SLC38A4: variants seen among roughly 807,000 people sequenced by gnomAD.
The protein encoded by SLC38A4 is solute carrier family 38 member 4, also known as sodium-coupled neutral amino acid transporter 4.
SLC38A4 carries 20 observed loss-of-function variants against 63.1 expected under a neutral mutation model. The ratio of observed to expected loss-of-function variants is 0.32; its 90% CI spans 0.22 to 0.46. The LOEUF (loss-of-function observed/expected upper bound fraction) is 0.46, where lower values mean the gene tolerates loss of function less well. SLC38A4 is among the 20% of genes least tolerant of loss of function. The probability of loss-of-function intolerance (pLI) is 1.00; values close to 1 mark genes in which losing one functional copy is unlikely to be tolerated. For missense variants in SLC38A4, 526 were observed against 663.6 expected (o/e 0.79, Z 2.28); for synonymous variants, 230 against 225.5 (o/e 1.02, Z -0.18).
chr12:46,821,766 G>A (rs1939555136), intron 1 of SLC38A4, among the ~76,000 whole-genome samples: 1 of 152,086 alleles, frequency 6.6e-6, no homozygotes, highest in African/African-American at 2.4e-5. Context: ...CATCGAATTT[G>A]TAGCTCACTG....
chr12:46,776,687 A>C (rs1938532707), intron 13 of SLC38A4, among the ~76,000 whole-genome samples: 1 of 152,074 alleles, frequency 6.6e-6, no homozygotes, highest in Non-Finnish European at 1.5e-5. Context: ...TTTATAAAAT[A>C]GGTGTTAATT....
intron 14 of SLC38A4, 42 bp downstream of exon 14, chr12:46,775,007 G>A (rs1938492923): frequency 6.2e-7 from 1 of 1,600,738 alleles, no homozygotes; most frequent in Admixed American, 1.7e-5. Flanking sequence ...ACTAATTTAT[G>A]GGGTCAAGTA....
At chr12:46,780,075 A>C in intron 7 of SLC38A4, 45 bp from the exon 8 acceptor site, 1 of 1,418,786 alleles carries the variant, frequency 7.0e-7, no homozygotes, top group Non-Finnish European at 9.9e-7. Context: ...ACAGTACTGA[A>C]GTCACATGCA....
upstream of SLC38A4, among the ~76,000 whole-genome samples, chr12:46,827,406 C>T (rs972880898): frequency 2.2e-4 from 34 of 152,168 alleles, no homozygotes; most frequent in African/African-American, 6.7e-4. Flanking sequence ...GTATGCAGAC[C>T]TCTGAGCTTG....
intron 1 of SLC38A4, among the ~76,000 whole-genome samples, chr12:46,832,070 T>C (rs188618343): frequency 1.3e-5 from 2 of 152,184 alleles, no homozygotes; most frequent in African/African-American, 2.4e-5. Context: ...ACGTTATTTC[T>C]AGTCAACCGA....
intron 1 of SLC38A4, among the ~76,000 whole-genome samples, chr12:46,813,977 C>CT (rs1939387784): frequency 6.6e-6 from 1 of 151,984 alleles, no homozygotes. Flanking sequence ...TTTAATAAGT[C>CT]TTTTTTGAAT....
At chr12:46,775,316 G>A in intron 13 of SLC38A4, 143 bp from the exon 14 acceptor site, 1 of 937,534 alleles carries the variant, frequency 1.1e-6, no homozygotes. Context: ...TTGCCTCTGA[G>A]CTCATTAGCT....
Position 46,778,403 on chromosome 12 carries a change from T to C in SLC38A4, c.994-35A>G, listed in dbSNP as rs751441997. ...AAAGACAACACCACGTGTTTAGCAT[T>C]CCAACATAGATGGTGATCTCAGGCC... On this transcript the variant is annotated intron_variant, in intron 11 of 16. Transcript: ENST00000266579. 2.5e-6 allele frequency: 4 copies of C among 1,611,750 alleles called. No homozygotes were observed. In the Admixed American group the frequency reaches 6.7e-5, roughly 27 times the overall value.
At chr12:46,822,346 T>C (rs1939567041) in intron 1 of SLC38A4, among the ~76,000 whole-genome samples, 1 of 152,202 alleles carries the variant, frequency 6.6e-6, no homozygotes, top group Non-Finnish European at 1.5e-5. Context: ...AGACTCCTTC[T>C]ATTTGTTTCT....
intron 1 of SLC38A4, among the ~76,000 whole-genome samples, chr12:46,808,427 A>G (rs1185546366): frequency 1.3e-5 from 2 of 152,060 alleles, no homozygotes; most frequent in Non-Finnish European, 2.9e-5. Context: ...AAATTAGCAA[A>G]CAAGTTTGGT....
Position 46,778,350 on chromosome 12 carries a change from T to C in SLC38A4, c.1012A>G (p.Ile338Val), listed in dbSNP as rs772310101. The C allele has an allele frequency of 3.1e-6, 5 of 1,612,554 alleles. No individual in the cohort carries two copies. Residue 338 changes from isoleucine (I) to valine (V), a missense_variant, in exon 12 of 17, where the codon ATC becomes GTC. Ile to Val is a conservative substitution (Grantham distance 29). Coordinates refer to ENST00000266579, the MANE Select transcript of SLC38A4 (RefSeq NM_018018.5). ...FNSRTAYAIPILVFAFVCHPE... is the reference protein window; with the variant it reads ...FNSRTAYAIPVLVFAFVCHPE... The stretch of plus-strand genomic sequence containing the variant: ...TGGCATACAAAAGCAAATACTAGGA[T>C]AGGAATTGCATAGGCCGTCTGAAAA...
upstream of SLC38A4, among the ~76,000 whole-genome samples, chr12:46,829,508 C>T (rs1481258309): frequency 2.0e-5 from 3 of 151,488 alleles, no homozygotes; most frequent in African/African-American, 7.3e-5. Flanking sequence ...AAAAAAACAA[C>T]GTCCACAAGC....
At chr12:46,786,096 C>T (rs1938755912) in intron 5 of SLC38A4, among the ~76,000 whole-genome samples, 1 of 151,960 alleles carries the variant, frequency 6.6e-6, no homozygotes, top group East Asian at 1.9e-4. Context: ...TCTTATTTTC[C>T]ATAGAGTATG....
At chr12:46,779,922 A>T in intron 8 of SLC38A4, 27 bp downstream of exon 8, 2 of 1,608,162 alleles carry the variant, frequency 1.2e-6, no homozygotes, top group South Asian at 2.2e-5. Context: ...GAGTCACTTG[A>T]TGTCACAGAG....
chr12:46,829,159 A>G (rs1341750258), upstream of SLC38A4, among the ~76,000 whole-genome samples: 1 of 152,224 alleles, frequency 6.6e-6, no homozygotes, highest in Non-Finnish European at 1.5e-5. Flanking sequence ...CCTATAGAAT[A>G]GAGTATCATG....
rs2120724491 is a variant in SLC38A4, at chr12:46,766,001, T to G, written c.*700A>C. 6.3e-6 allele frequency: 1 copy of G among 158,742 alleles called. No homozygotes were observed. The highest frequency in any genetic ancestry group is 1.9e-4 in the East Asian group (1 of 5,396). 9.8% of individuals were successfully genotyped at this position (158,742 alleles called of 1,614,324 possible). A position where few individuals can be genotyped will look rare whatever the true frequency, so the allele number is the denominator to read the frequency against. ...CATTATTTTTGTTGTTGCTCTATGA[T>G]TGAAATAAAGCCCCTCTCTATATTT... On this transcript the variant is annotated 3_prime_UTR_variant, in exon 17 of 17. Transcript: ENST00000266579.
Position 46,791,904 on chromosome 12 carries a change from G to A in SLC38A4, c.119+1049C>T, listed in dbSNP as rs371752161. ...AAGGGGGAGCAGGTGACTGATTCCAGGCAGTTGGAGCAGAATGAGTGAAGG... is the reference window on the plus strand; with the variant it reads ...AAGGGGGAGCAGGTGACTGATTCCAAGCAGTTGGAGCAGAATGAGTGAAGG... On this transcript the variant is annotated intron_variant, in intron 3 of 16. Coordinates refer to ENST00000266579, the MANE Select transcript of SLC38A4 (RefSeq NM_018018.5). 1.9e-3 allele frequency among the ~76,000 whole-genome samples: 282 copies of A among 152,172 alleles called. 6 individuals carry two copies. The South Asian group carries it at 0.053, about 29-fold the overall frequency.
At chr12:46,787,872 T>C (rs1426907480) in intron 5 of SLC38A4, 44 bp downstream of exon 5, 3 of 1,399,192 alleles carry the variant, frequency 2.1e-6, no homozygotes, top group Non-Finnish European at 3.0e-6. Context: ...CCACCAGGTA[T>C]GCATGGACTT....
At chr12:46,824,552 C>G (rs1002478385) in intron 1 of SLC38A4, among the ~76,000 whole-genome samples, 1 of 152,146 alleles carries the variant, frequency 6.6e-6, no homozygotes, top group African/African-American at 2.4e-5. Context: ...AGTCAAACAA[C>G]TGGAATGCTA....
Sources: gnomAD v4.1 joint callset for allele counts (sites outside exome capture counted in the v4.1 genomes callset) on GRCh38, gnomAD v4.1.1 for gene constraint, MANE v1.5 for transcripts, NCBI Gene and HGNC (gene_info 2026-07-23, HGNC 2026-07-21) for gene names.